Variants in EPHA1 observed in about 807,000 individuals in gnomAD.
EPHA1 encodes EPH receptor A1, also known as ephrin type-A receptor 1.
In EPHA1, 92 loss-of-function variants were observed where a neutral mutation model predicts 110.1. The observed-to-expected ratio is 0.84, with a 90% confidence interval of 0.71 to 0.99. The LOEUF (loss-of-function observed/expected upper bound fraction) is 0.99. Ranked by LOEUF, EPHA1 falls within the 50% of genes least tolerant of loss-of-function variation. EPHA1 has a pLI of 0.00. For synonymous variants in EPHA1, 500 were observed against 516.1 expected, an observed-to-expected ratio of 0.97 and a Z score of 0.42; for missense variants, 1,204 against 1,285.4, an observed-to-expected ratio of 0.94 and a Z score of 0.97.
intron 2 of EPHA1, among the ~76,000 whole-genome samples, chr7:143,406,893 A>T (rs1221088695): frequency 1.3e-5 from 2 of 152,172 alleles, no homozygotes; most frequent in Non-Finnish European, 2.9e-5. Context: ...GCTCTCTCAG[A>T]CCCACCTCAC....
rs1414334385 is a variant in EPHA1, at chr7:143,391,370, G to A, written c.*87C>T. On this transcript the variant is annotated 3_prime_UTR_variant, in exon 18 of 18. Coordinates refer to ENST00000275815, the MANE Select transcript of EPHA1 (RefSeq NM_005232.5). The stretch of plus-strand genomic sequence containing the variant: ...CCGATAGCCTAGTCTGGCAGGTTGT[G>A]GGAAGGGGCGCAGGGAGTGACCATG... 1 of 1,499,610 alleles carries A rather than the reference G, an allele frequency of 6.7e-7. No individual in the cohort carries two copies. Among genetic ancestry groups the A allele is most frequent in the African/African-American group, 1.4e-5 (1 of 72,248 alleles). 92.9% of individuals were successfully genotyped at this position (1,499,610 alleles called of 1,614,324 possible).
At chr7:143,399,145 C>T (rs937519826) in intron 5 of EPHA1, 113 bp downstream of exon 5, 265 of 1,424,780 alleles carry the variant, frequency 1.9e-4, no homozygotes, top group Non-Finnish European at 2.5e-4. Context: ...GTGCCTGACA[C>T]CCTGGACCAT....
rs549024933 is a variant in EPHA1, at chr7:143,393,588, G to T, written c.2696+83C>A. 4.7e-6 allele frequency: 7 copies of T among 1,489,312 alleles called. No homozygotes were observed. The highest frequency in any genetic ancestry group is 6.4e-6 in the Non-Finnish European group (7 of 1,098,044). 92.3% of individuals were successfully genotyped at this position (1,489,312 alleles called of 1,614,324 possible). ...TGGTCCAGAGCTCCCCAGGCCCAGC[G>T]CTCAAAGAAGATTGGCTGAATGCCC... On this transcript the variant is annotated intron_variant, in intron 16 of 17. Coordinates refer to ENST00000275815, the MANE Select transcript of EPHA1 (RefSeq NM_005232.5). The surrounding 1 kb of genome is among the most constrained non-coding windows in gnomAD (Gnocchi z 5.6).
intron 9 of EPHA1, 51 bp downstream of exon 9, chr7:143,397,497 TGGGGCTGCAGTCA>T: frequency 6.3e-7 from 1 of 1,583,782 alleles, no homozygotes; most frequent in Middle Eastern, 1.7e-4. Flanking sequence ...GGAGGGTCGT[TGGGGCTGCAGTCA>T]GGGGCTTCTG....
In EPHA1 at chr7:143,391,660, C is replaced by T. The variant is rs1805088030; in HGVS notation, c.2812G>A (p.Gly938Arg). The change falls in exon 17 of 18, where the codon GGG becomes AGG. Residue 938 changes from glycine (G) to arginine (R), a missense_variant. Gly to Arg is a moderately radical substitution (Grantham distance 125, BLOSUM62 -2). Transcript: ENST00000275815. ...KRYILHFHSA[G>R]LDTMECVLEL... ...AGCACACACTCCATGGTGTCCAGCC[C>T]AGCCGAGTGGAAGTGCAGGATGTAG... 3.1e-6 allele frequency: 5 copies of T among 1,614,132 alleles called. No individual in the cohort carries two copies. The highest frequency in any genetic ancestry group is 3.4e-6 in the Non-Finnish European group (4 of 1,180,038).
Position 143,391,642 on chromosome 7 carries a change from A to G in EPHA1, c.2830T>C (p.Cys944Arg), listed in dbSNP as rs1308613660. ...TACTCAGCGGTCAGCTCCAGCACAC[A>G]CTCCATGGTGTCCAGCCCAGCCGAG... ...FHSAGLDTME[C>R]VLELTAEDLT... Residue 944 changes from cysteine (C) to arginine (R), a missense_variant, in exon 17 of 18, where the codon TGT becomes CGT. Coordinates refer to ENST00000275815, the MANE Select transcript of EPHA1 (RefSeq NM_005232.5). 3.1e-6 allele frequency: 5 copies of G among 1,613,730 alleles called. No homozygotes were observed. In the Admixed American group the frequency reaches 5.0e-5, roughly 16 times the overall value.
intron 2 of EPHA1, among the ~76,000 whole-genome samples, chr7:143,403,422 T>A (rs1219290625): frequency 2.1e-5 from 1 of 46,764 alleles, no homozygotes; most frequent in Non-Finnish European, 6.3e-5. Flanking sequence ...CTTTCTTACT[T>A]TTTTTTTTTA....
At chr7:143,394,005 G>C in intron 15 of EPHA1, 141 bp from the exon 16 acceptor site, 1 of 1,226,170 alleles carries the variant, frequency 8.2e-7, no homozygotes, top group Non-Finnish European at 1.1e-6. Context: ...CGATCACAGT[G>C]GGAGGATCAG....
intron 9 of EPHA1, 91 bp from the exon 10 acceptor site, chr7:143,397,453 G>A: frequency 6.3e-7 from 1 of 1,586,866 alleles, no homozygotes; most frequent in Non-Finnish European, 8.6e-7. Context: ...GAAACGGGCT[G>A]GGAGTGCAGG....
chr7:143,393,800 T>C lies in EPHA1; in HGVS notation c.2567A>G (p.Tyr856Cys). Residue 856 changes from tyrosine to cysteine, a missense_variant, in exon 16 of 18, where the codon TAT becomes TGT. Transcript: ENST00000275815. This position sits in a 1 kb window ranked among gnomAD's most constrained non-coding sequence, Gnocchi z 5.6. ...TGCCCAGCAGTTCTTCATGAGCTCA[T>C]ACAGAGGGGCAGGGCAGTCCACAGG... ...PPPVDCPAPL[Y>C]ELMKNCWAYD... 1.2e-6 allele frequency: 2 copies of C among 1,610,122 alleles called. No homozygotes were observed. Among genetic ancestry groups the C allele is most frequent in the East Asian group, 2.2e-5 (1 of 44,784 alleles).
intron 9 of EPHA1, 41 bp from the exon 10 acceptor site, chr7:143,397,403 C>CA: frequency 6.5e-7 from 1 of 1,550,272 alleles, no homozygotes; most frequent in Non-Finnish European, 8.7e-7. Context: ...GCCCCAGGAC[C>CA]ACCTCAGGGG....
rs779908170 is a variant in EPHA1, at chr7:143,398,863, C to A, written c.1074G>T (p.Thr358=). ...LSLRWEPPAD[T]GGRQDVRYSV... ...TGTATCTGACATCCTGGCGTCCCCC[C>A]GTATCTGCTGGGGGTTCCCAACGCA... The change falls in exon 6 of 18, where the codon ACG becomes ACT. Residue 358 remains threonine, a synonymous_variant. Coordinates refer to ENST00000275815, the MANE Select transcript of EPHA1 (RefSeq NM_005232.5). The A allele has an allele frequency of 3.7e-6, 6 of 1,613,448 alleles. No individual in the cohort carries two copies. Among genetic ancestry groups the A allele is most frequent in the Non-Finnish European group, 5.1e-6 (6 of 1,179,904 alleles).
Position 143,395,646 on chromosome 7 carries a change from G to A in EPHA1, c.1898-142C>T, listed in dbSNP as rs569132614. The A allele has an allele frequency of 1.5e-5, 13 of 857,038 alleles. 1 individual carries two copies. In the South Asian group the frequency reaches 1.8e-4, roughly 12 times the overall value. 53.1% of individuals were successfully genotyped at this position (857,038 alleles called of 1,614,324 possible). On this transcript the variant is annotated intron_variant, in intron 11 of 17. Coordinates refer to ENST00000275815, the MANE Select transcript of EPHA1 (RefSeq NM_005232.5). The surrounding 1 kb of genome is among the most constrained non-coding windows in gnomAD (Gnocchi z 4.7). ...GTGCCCTTCCTGGGACAGGGCGTGG[G>A]CTGTCCTTCCTGGGGAAGGTCAGAG...
chr7:143,397,819 G>A, intron 8 of EPHA1, 101 bp downstream of exon 8: 4 of 1,550,000 alleles, frequency 2.6e-6, no homozygotes, highest in Non-Finnish European at 3.5e-6. Context: ...GTGTGCATGT[G>A]TGTAGAGGAA....
At chr7:143,397,536 T>TTG (rs1805288598) in intron 9 of EPHA1, 25 bp downstream of exon 9, 1 of 1,602,800 alleles carries the variant, frequency 6.2e-7, no homozygotes, top group Non-Finnish European at 8.5e-7. Context: ...GGGCTGGTGG[T>TTG]TGGGGAGGGG....
chr7:143,402,726 C>G lies in EPHA1; in HGVS notation c.151-1121G>C, dbSNP rs892140907. The stretch of plus-strand genomic sequence containing the variant: ...AGCACTTTCCACGAGGAAACTGAGG[C>G]ACAGGGAGGTCGAGTGACTTGCCAA... On this transcript the variant is annotated intron_variant, in intron 2 of 17. Coordinates refer to ENST00000275815, the MANE Select transcript of EPHA1 (RefSeq NM_005232.5). Among the ~76,000 whole-genome samples, 7 of 152,198 alleles carry G rather than the reference C, an allele frequency of 4.6e-5. No individual in the cohort carries two copies. The South Asian group carries it at 6.2e-4, about 13-fold the overall frequency.
rs45497499 is a variant in EPHA1, at chr7:143,397,542, A to C, written c.1712+19T>G. The C allele has an allele frequency of 2.6e-4, 412 of 1,599,878 alleles. No individual in the cohort carries two copies. Among genetic ancestry groups the C allele is most frequent in the African/African-American group, 1.8e-3 (137 of 74,770 alleles). On this transcript the variant is annotated intron_variant, in intron 9 of 17. Coordinates refer to ENST00000275815, the MANE Select transcript of EPHA1 (RefSeq NM_005232.5). Reference sequence around the variant, plus strand: ...TCTGACCCAGGGCTGGTGGTTGGGGAGGGGGCAGGAGCTGGCACCTGGACC... The same window carrying C: ...TCTGACCCAGGGCTGGTGGTTGGGGCGGGGGCAGGAGCTGGCACCTGGACC...
intron 6 of EPHA1, 32 bp from the exon 7 acceptor site, chr7:143,398,480 T>C (rs370913548): frequency 2.4e-4 from 394 of 1,613,196 alleles, no homozygotes; most frequent in Non-Finnish European, 3.3e-4. Flanking sequence ...GTTGGATATG[T>C]AAGGAAAAAG....
Position 143,399,802 on chromosome 7 carries a change from C to T in EPHA1, c.684G>A (p.Ala228=), listed in dbSNP as rs112505908. The T allele has an allele frequency of 7.0e-5, 113 of 1,611,832 alleles. No individual in the cohort carries two copies. The highest frequency in any genetic ancestry group is 2.0e-4 in the African/African-American group (15 of 75,030). Residue 228 remains alanine, a synonymous_variant, in exon 4 of 18, where the codon GCG becomes GCA. Transcript: ENST00000275815. ...LPGPAGLVEV[A]GTCLPHARAS... is the part of the protein sequence containing the mutation. ...CCCGCGCGTGGGGCAAGCAGGTCCCCGCCACTTCCACCAACCCAGCGGGGC... is the reference window on the plus strand; with the variant it reads ...CCCGCGCGTGGGGCAAGCAGGTCCCTGCCACTTCCACCAACCCAGCGGGGC...
Sources: gnomAD v4.1 joint callset for allele counts (sites outside exome capture counted in the v4.1 genomes callset) on GRCh38, gnomAD v4.1.1 for gene constraint, Gnocchi (gnomAD v3.1) non-coding constraint, MANE v1.5 for transcripts, NCBI Gene and HGNC (gene_info 2026-07-23, HGNC 2026-07-21) for gene names.